Variants in SH2D4A observed in about 807,000 individuals in gnomAD.
SH2D4A encodes SH2 domain-containing protein 4A.
Under a neutral mutation model 64.7 loss-of-function variants are expected in SH2D4A, and 70 were observed. That is an observed-to-expected ratio of 1.08 (90% CI 0.89 to 1.32). The LOEUF is 1.32. Ranked by LOEUF, SH2D4A falls within the 40% of genes most tolerant of loss-of-function variation. SH2D4A has a pLI of 0.00. For missense variants in SH2D4A, 706 were observed against 540.1 expected (o/e 1.31, Z -3.04); for synonymous variants, 268 against 200.7 (o/e 1.34, Z -2.83).
At chr8:19,392,461 C>T (rs1207348098) in intron 8 of SH2D4A, among the ~76,000 whole-genome samples, 2 of 152,106 alleles carry the variant, frequency 1.3e-5, no homozygotes, top group Non-Finnish European at 2.9e-5. Context: ...CATCCCTGAC[C>T]TCTAACCCCA....
chr8:19,314,360 C>A (rs1261755753), intron 1 of SH2D4A, among the ~76,000 whole-genome samples: 2 of 152,190 alleles, frequency 1.3e-5, no homozygotes, highest in Non-Finnish European at 1.5e-5. Flanking sequence ...CCCCGCAGCA[C>A]GTTCCCCGCG....
At chr8:19,370,973 GAAGGA>G (rs1310833208) in intron 7 of SH2D4A, among the ~76,000 whole-genome samples, 6 of 152,150 alleles carry the variant, frequency 3.9e-5, no homozygotes, top group African/African-American at 9.6e-5. Flanking sequence ...CAAACTTTGT[GAAGGA>G]AAGAAACAAA....
rs141746852 is a variant in SH2D4A, at chr8:19,365,166, G to A, written c.917+884G>A. Reference sequence around the variant, plus strand: ...TAAGACTCTTCTCCTGCTTGGAGTCGTAGTTATCTTCAAGGTTGTCTTTAA... The same window carrying A: ...TAAGACTCTTCTCCTGCTTGGAGTCATAGTTATCTTCAAGGTTGTCTTTAA... On this transcript the variant is annotated intron_variant, in intron 7 of 9. Coordinates refer to ENST00000265807, the MANE Select transcript of SH2D4A (RefSeq NM_022071.4). Among the ~76,000 whole-genome samples, 133 of 152,270 alleles carry A rather than the reference G, an allele frequency of 8.7e-4. 2 individuals are homozygous for A. In the East Asian group the frequency reaches 0.021, roughly 24 times the overall value.
intron 8 of SH2D4A, among the ~76,000 whole-genome samples, chr8:19,380,779 T>A (rs2053280282): frequency 6.6e-6 from 1 of 152,204 alleles, no homozygotes; most frequent in Non-Finnish European, 1.5e-5. Context: ...ACTGTAGCAT[T>A]GTAGTAAGTT....
intron 7 of SH2D4A, among the ~76,000 whole-genome samples, chr8:19,365,479 G>A (rs1012254198): frequency 6.6e-6 from 1 of 152,204 alleles, no homozygotes; most frequent in Non-Finnish European, 1.5e-5. Context: ...GCTGGAGCTT[G>A]TCTGTCCGCA....
intron 4 of SH2D4A, among the ~76,000 whole-genome samples, chr8:19,347,970 G>C (rs1312834894): frequency 6.6e-6 from 1 of 152,132 alleles, no homozygotes; most frequent in South Asian, 2.1e-4. Flanking sequence ...CCAAGGCTCT[G>C]ACACCTGTTT....
At chr8:19,389,935 T>G (rs1396703964) in intron 8 of SH2D4A, among the ~76,000 whole-genome samples, 1 of 152,086 alleles carries the variant, frequency 6.6e-6, no homozygotes, top group Non-Finnish European at 1.5e-5. Context: ...GACATCAGGT[T>G]TGGTTTCTTT....
chr8:19,360,412 G>C (rs932165303), intron 5 of SH2D4A, among the ~76,000 whole-genome samples: 1 of 151,190 alleles, frequency 6.6e-6, no homozygotes, highest in Non-Finnish European at 1.5e-5. Context: ...TCAGAAGTTC[G>C]AGACCAGCCT....
chr8:19,331,388 G>T (rs892553399), intron 2 of SH2D4A, among the ~76,000 whole-genome samples: 4 of 152,182 alleles, frequency 2.6e-5, no homozygotes, highest in African/African-American at 9.7e-5. Flanking sequence ...CTAGTTTGGG[G>T]TCTTGACTAG....
intron 8 of SH2D4A, among the ~76,000 whole-genome samples, chr8:19,380,307 C>A (rs1026394982): frequency 6.6e-6 from 1 of 152,054 alleles, no homozygotes; most frequent in South Asian, 2.1e-4. Flanking sequence ...AATATTTTCG[C>A]CTGTTTTATG....
At chr8:19,319,788 G>A (rs1382058198) in intron 2 of SH2D4A, 60 bp downstream of exon 2, 1 of 1,464,402 alleles carries the variant, frequency 6.8e-7, no homozygotes, top group Non-Finnish European at 9.0e-7. Flanking sequence ...GGCTTGCTTT[G>A]ACAATTTCAC....
intron 5 of SH2D4A, among the ~76,000 whole-genome samples, chr8:19,357,720 T>A (rs2052815427): frequency 6.6e-6 from 1 of 152,202 alleles, no homozygotes; most frequent in Admixed American, 6.5e-5. Context: ...GAACCCCTTC[T>A]GGCACTCAGC....
At chr8:19,345,445 A>G (rs1278291599) in intron 4 of SH2D4A, among the ~76,000 whole-genome samples, 1 of 152,210 alleles carries the variant, frequency 6.6e-6, no homozygotes, top group African/African-American at 2.4e-5. Flanking sequence ...AAGCCATACC[A>G]CGAGGTCTAG....
intron 2 of SH2D4A, among the ~76,000 whole-genome samples, chr8:19,325,563 T>G (rs1386067775): frequency 6.6e-6 from 1 of 151,952 alleles, no homozygotes; most frequent in Non-Finnish European, 1.5e-5. Context: ...GCGAACATCT[T>G]TTTTGGGTAA....
At chr8:19,345,359 G>A (rs913261114) in intron 4 of SH2D4A, among the ~76,000 whole-genome samples, 1 of 152,230 alleles carries the variant, frequency 6.6e-6, no homozygotes, top group Non-Finnish European at 1.5e-5. Context: ...AACACTCGAT[G>A]CCTGTACAAC....
intron 7 of SH2D4A, among the ~76,000 whole-genome samples, chr8:19,368,435 A>C (rs1272771107): frequency 6.6e-6 from 1 of 152,074 alleles, no homozygotes; most frequent in Non-Finnish European, 1.5e-5. Context: ...ATTGAATCAG[A>C]TCTTTTTGGG....
At chr8:19,384,238 C>G (rs766485425) in intron 8 of SH2D4A, among the ~76,000 whole-genome samples, 1 of 152,100 alleles carries the variant, frequency 6.6e-6, no homozygotes, top group Non-Finnish European at 1.5e-5. Flanking sequence ...AACACCCTCA[C>G]CAACAGAGAA....
intron 8 of SH2D4A, among the ~76,000 whole-genome samples, chr8:19,388,114 TAAAG>T (rs2053421628): frequency 6.6e-6 from 1 of 152,148 alleles, no homozygotes; most frequent in African/African-American, 2.4e-5. Context: ...CTTTGTGAAA[TAAAG>T]ACTCATTTTA....
At chr8:19,328,307 T>A (rs2117195539) in intron 2 of SH2D4A, among the ~76,000 whole-genome samples, 1 of 152,232 alleles carries the variant, frequency 6.6e-6, no homozygotes, top group South Asian at 2.1e-4. Flanking sequence ...AAAGTCCTCA[T>A]ATGGATTTCT....
Sources: allele counts gnomAD v4.1 joint callset (sites outside exome capture counted in the v4.1 genomes callset), GRCh38; gene constraint gnomAD v4.1.1; transcripts MANE v1.5; gene names NCBI Gene and HGNC (gene_info 2026-07-23, HGNC 2026-07-21).